Variants in SLC39A14 observed in about 807,000 individuals in gnomAD.
The protein encoded by SLC39A14 is solute carrier family 39 member 14.
Under a neutral mutation model 45.5 loss-of-function variants are expected in SLC39A14, and 19 were observed. The ratio of observed to expected loss-of-function variants is 0.42; its 90% CI spans 0.29 to 0.61. The LOEUF (loss-of-function observed/expected upper bound fraction) is 0.61. Among genes scored for constraint, SLC39A14 ranks in the 20% least tolerant of loss-of-function variants. SLC39A14 has a pLI of 0.22. For synonymous variants in SLC39A14, 264 were observed against 251.3 expected (o/e 1.05, Z -0.48); for missense variants, 447 against 616.5 (o/e 0.73, Z 2.91).
At position 22,421,377 on chromosome 8, in the gene SLC39A14, AC is replaced by A. The variant is rs1176363831; in HGVS notation, c.*1680del. The A allele has an allele frequency of 6.1e-6, 6 of 985,760 alleles. No homozygotes were observed. Among genetic ancestry groups the A allele is most frequent in the Non-Finnish European group, 4.8e-6 (4 of 829,934 alleles). 61.1% of individuals were successfully genotyped at this position (985,760 alleles called of 1,614,324 possible). On this transcript the variant is annotated 3_prime_UTR_variant, in exon 9 of 9. Transcript: ENST00000381237. ...GTGAGCAGGAAAAACTGCTGGTGAT[AC>A]TTTTTTTAAGTTTTGTTTTTATCTT...
At chr8:22,419,497 G>T in intron 8 of SLC39A14, 55 bp from the exon 9 acceptor site, 1 of 1,540,888 alleles carries the variant, frequency 6.5e-7, no homozygotes, top group Non-Finnish European at 8.9e-7. Flanking sequence ...AATTGCCCTG[G>T]ACTTACAAGA....
rs551913973 is a variant in SLC39A14 at position 22,368,907 on chromosome 8, T to TC, written c.-16+1504dup. Among the ~76,000 whole-genome samples the TC allele has an allele frequency of 5.9e-5, 9 of 151,980 alleles. No homozygotes were observed. The East Asian group carries it at 7.8e-4, about 13-fold the overall frequency. ...GTCCATATACATCCTTGGATGCATA[T>TC]CCCCCGGGACGCAGCTCCTGAAAAG... On this transcript the variant is annotated intron_variant, in intron 1 of 8. Transcript: ENST00000381237.
Position 22,415,708 on chromosome 8 carries a change from G to C in SLC39A14, c.751-61G>C, listed in dbSNP as rs978658900. The C allele has an allele frequency of 4.0e-6, 6 of 1,511,832 alleles. No individual in the cohort carries two copies. In the African/African-American group the frequency reaches 8.4e-5, roughly 21 times the overall value. The allele number at this position is 1,511,832 out of a possible 1,614,324, so 93.7% of individuals were successfully genotyped here. A position where few individuals can be genotyped will look rare whatever the true frequency, so the allele number is the denominator to read the frequency against. Reference sequence around the variant, plus strand: ...TGTGAAGCACTTCCTTGGAGCAGGTGCTCAATCAGGTTTGTGGTTTTGGTG... The same window carrying C: ...TGTGAAGCACTTCCTTGGAGCAGGTCCTCAATCAGGTTTGTGGTTTTGGTG... On this transcript the variant is annotated intron_variant, in intron 5 of 8. Transcript: ENST00000381237.
chr8:22,368,594 TGGC>T (rs1832770030), intron 1 of SLC39A14, among the ~76,000 whole-genome samples: 1 of 152,110 alleles, frequency 6.6e-6, no homozygotes, highest in African/African-American at 2.4e-5. Context: ...AAGAGTGCAG[TGGC>T]GCGATCTCGG....
chr8:22,370,926 A>G (rs1586623850), intron 1 of SLC39A14, among the ~76,000 whole-genome samples: 3 of 152,232 alleles, frequency 2.0e-5, no homozygotes, highest in African/African-American at 4.8e-5. Flanking sequence ...AGTCCGCCCC[A>G]TCGACTGTCG....
At chr8:22,369,999 A>G (rs998446418) in intron 1 of SLC39A14, among the ~76,000 whole-genome samples, 2 of 152,126 alleles carry the variant, frequency 1.3e-5, no homozygotes, top group African/African-American at 2.4e-5. Flanking sequence ...CCACAGATCA[A>G]TTGGGCAATT....
rs1325370249 is a variant in SLC39A14, at chr8:22,419,720, G to T, written c.*22G>T. On this transcript the variant is annotated 3_prime_UTR_variant, in exon 9 of 9. Coordinates refer to ENST00000381237, the MANE Select transcript of SLC39A14 (RefSeq NM_001128431.4). Reference sequence around the variant, plus strand: ...GTAGGGCTCTGCCAAGAGCCTGTGGGACTGGAAGTCGGGCCCTGGGCTGCC... The same window carrying T: ...GTAGGGCTCTGCCAAGAGCCTGTGGTACTGGAAGTCGGGCCCTGGGCTGCC... The T allele has an allele frequency of 6.4e-7, 1 of 1,565,520 alleles. No individual in the cohort carries two copies. Among genetic ancestry groups the T allele is most frequent in the Middle Eastern group, 1.8e-4 (1 of 5,576 alleles).
intron 8 of SLC39A14, among the ~76,000 whole-genome samples, chr8:22,431,188 T>G (rs1836461591): frequency 6.6e-6 from 1 of 151,992 alleles, no homozygotes; most frequent in Middle Eastern, 3.4e-3. Flanking sequence ...AGGGTTTCAC[T>G]GTGTTAGCCA....
chr8:22,416,307 G>T, intron 7 of SLC39A14, 27 bp downstream of exon 7: 1 of 1,603,294 alleles, frequency 6.2e-7, no homozygotes, highest in African/African-American at 1.3e-5. Flanking sequence ...CGTTCCACTG[G>T]TGCTCCCTTG....
chr8:22,432,821 T>G (rs1305441209), intron 8 of SLC39A14, among the ~76,000 whole-genome samples: 13 of 149,006 alleles, frequency 8.7e-5, no homozygotes, highest in Non-Finnish European at 1.6e-4. Flanking sequence ...CTATTTTGTT[T>G]TTTTTTTTTT....
rs1489318809 is a variant in SLC39A14, at chr8:22,422,224, A to T, written c.*2526A>T. The T allele has an allele frequency of 1.0e-6, 1 of 985,340 alleles. No individual in the cohort carries two copies. The highest frequency in any genetic ancestry group is 1.2e-6 in the Non-Finnish European group (1 of 829,948). 61.0% of individuals were successfully genotyped at this position (985,340 alleles called of 1,614,324 possible). On this transcript the variant is annotated 3_prime_UTR_variant, in exon 9 of 9. Coordinates refer to ENST00000381237, the MANE Select transcript of SLC39A14 (RefSeq NM_001128431.4). ...CACCAGCTCCTATTAATAAGTTAGC[A>T]AGGAAAGTGTATGTCACGTGCAGGA... is the stretch of plus-strand genomic sequence containing the variant.
At chr8:22,371,520 G>C (rs1339323435) in intron 1 of SLC39A14, among the ~76,000 whole-genome samples, 4 of 143,386 alleles carry the variant, frequency 2.8e-5, no homozygotes, top group Non-Finnish European at 6.0e-5. Flanking sequence ...TGCAACCTCT[G>C]CCTCCTGGGT....
At chr8:22,373,804 A>G (rs1833060105) in intron 1 of SLC39A14, among the ~76,000 whole-genome samples, 1 of 145,312 alleles carries the variant, frequency 6.9e-6, no homozygotes, top group Admixed American at 7.0e-5. Flanking sequence ...TCTCTCTGTC[A>G]CCCAGGCGGG....
intron 3 of SLC39A14, chr8:22,410,158 G>A (rs367883028): frequency 6.6e-5 from 106 of 1,608,016 alleles, no homozygotes; most frequent in Non-Finnish European, 8.1e-5. Context: ...TCCCTGGGGC[G>A]GCACAGCTGA....
At chr8:22,385,581 G>A (rs1232636950) in intron 1 of SLC39A14, among the ~76,000 whole-genome samples, 4 of 152,228 alleles carry the variant, frequency 2.6e-5, no homozygotes. Flanking sequence ...GTGTTAAAGG[G>A]ATGGGAAGAA....
At chr8:22,405,286 G>C (rs1247260693) in intron 2 of SLC39A14, among the ~76,000 whole-genome samples, 2 of 152,224 alleles carry the variant, frequency 1.3e-5, no homozygotes, top group Non-Finnish European at 2.9e-5. Context: ...GCCAAGGCGG[G>C]TGGATTATCT....
At chr8:22,402,966 G>GTGTTTGTTTGTT (rs10676463) in intron 1 of SLC39A14, among the ~76,000 whole-genome samples, 2 of 150,216 alleles carry the variant, frequency 1.3e-5, no homozygotes, top group African/African-American at 4.9e-5. Context: ...TTTAGTTATG[G>GTGTTTGTTTGTT]TGTTTGTTTG....
At position 22,400,887 on chromosome 8, in the gene SLC39A14, C is replaced by G. The variant is rs1052117391; in HGVS notation, c.-15-3809C>G. ...GGTTGAGAGAGTCAGAGTTGGGAAC[C>G]CTGCTGATTTATAAGTCTTATAATT... On this transcript the variant is annotated intron_variant, in intron 1 of 8. Coordinates refer to ENST00000381237, the MANE Select transcript of SLC39A14 (RefSeq NM_001128431.4). Among the ~76,000 whole-genome samples, 16 of 152,140 alleles carry G rather than the reference C, an allele frequency of 1.1e-4. 1 individual carries two copies. Among genetic ancestry groups the G allele is most frequent in the African/African-American group, 4.8e-5 (2 of 41,406 alleles).
At chr8:22,425,863 C>A (rs887515095), downstream of SLC39A14, among the ~76,000 whole-genome samples, 5 of 147,772 alleles carry the variant, frequency 3.4e-5, no homozygotes, top group African/African-American at 1.2e-4. Flanking sequence ...CCAAGAAGTT[C>A]TTCTACTAGG....
Sources: gnomAD v4.1 joint callset for allele counts (sites outside exome capture counted in the v4.1 genomes callset) on GRCh38, gnomAD v4.1.1 for gene constraint, MANE v1.5 for transcripts, NCBI Gene and HGNC (gene_info 2026-07-23, HGNC 2026-07-21) for gene names.